Variants in CTBP2 observed in about 807,000 individuals in gnomAD.
CTBP2 encodes the protein C-terminal-binding protein 2.
CTBP2 carries 30 observed loss-of-function variants against 80.3 expected under a neutral mutation model. The observed-to-expected ratio is 0.37, with a 90% CI of 0.28 to 0.51. The LOEUF is 0.51. Ranked by LOEUF, CTBP2 falls within the 20% of genes least tolerant of loss-of-function variation. CTBP2 has a pLI of 0.93. For missense variants in CTBP2, 1,212 were observed against 1,375.3 expected (o/e 0.88, Z 1.88); for synonymous variants, 594 against 587.4 (o/e 1.01, Z -0.16).
At position 125,043,370 on chromosome 10, in the gene CTBP2, G is replaced by A. The variant is rs79661267; in HGVS notation, c.-101-4215C>T. 7.4e-3 allele frequency among the ~76,000 whole-genome samples: 1,129 copies of A among 152,260 alleles called. 19 individuals carry two copies. Among genetic ancestry groups the A allele is most frequent in the African/African-American group, 0.026 (1,067 of 41,532 alleles). ...GAGGTTCTCTACCAAGCGCCCTTAAGGTTACACAGCACAAAAACCTGGGAT... is the reference window on the plus strand; with the variant it reads ...GAGGTTCTCTACCAAGCGCCCTTAAAGTTACACAGCACAAAAACCTGGGAT... On this transcript the variant is annotated intron_variant, in intron 2 of 10. Coordinates refer to the CTBP2 transcript ENST00000337195.
intron 2 of CTBP2, among the ~76,000 whole-genome samples, chr10:125,057,404 C>G (rs1488814870): frequency 6.6e-6 from 1 of 152,166 alleles, no homozygotes. Flanking sequence ...TGACCAGCCC[C>G]CGCCTCCCTC....
rs577808615 is a variant in CTBP2 at position 125,119,307 on chromosome 10, A to AC, written c.-205-8215dup. Among the ~76,000 whole-genome samples, 47 of 152,102 alleles carry AC rather than the reference A, an allele frequency of 3.1e-4. No individual in the cohort carries two copies. The East Asian group carries it at 7.7e-3, about 25-fold the overall frequency. ...GCTCTGAGGAGTCAGCGAGGGTGTG[A>AC]CCCCCACTCCCACTGCGGTGGAAGG... is the stretch of plus-strand genomic sequence containing the variant. On this transcript the variant is annotated intron_variant, in intron 1 of 10. Transcript: ENST00000337195.
intron 3 of CTBP2, among the ~76,000 whole-genome samples, chr10:125,036,118 G>T (rs971389966): frequency 1.3e-5 from 2 of 152,228 alleles, no homozygotes; most frequent in African/African-American, 4.8e-5. Flanking sequence ...GACACAGCCT[G>T]GCGGAGTGAA....
chr10:125,026,704 T>C lies in CTBP2; in HGVS notation c.1056A>G (p.Glu352=). Residue 352 remains glutamate, a synonymous_variant, in exon 1 of 9, where the codon GAA becomes GAG. Coordinates refer to ENST00000309035, the MANE Select transcript of CTBP2 (RefSeq NM_022802.3). ...CCCGGTCCTGCCTCCGCAGCTGCATTTCGGTCCTGCAGCTATTGGCCAGGC... is the reference window on the plus strand; with the variant it reads ...CCCGGTCCTGCCTCCGCAGCTGCATCTCGGTCCTGCAGCTATTGGCCAGGC... 6.2e-7 allele frequency: 1 copy of C among 1,612,450 alleles called. No individual in the cohort carries two copies. The highest frequency in any genetic ancestry group is 8.5e-7 in the Non-Finnish European group (1 of 1,179,744).
At chr10:125,018,378 C>A (rs989180471) in intron 1 of CTBP2, among the ~76,000 whole-genome samples, 26 of 152,162 alleles carry the variant, frequency 1.7e-4, no homozygotes, top group African/African-American at 6.0e-4. Flanking sequence ...AAAAATTAAC[C>A]AGGTATGGTA....
chr10:125,084,147 T>A (rs775650728), intron 2 of CTBP2, among the ~76,000 whole-genome samples: 1 of 152,064 alleles, frequency 6.6e-6, no homozygotes, highest in Non-Finnish European at 1.5e-5. Context: ...TTTGTAGAGA[T>A]GTTATGTATG....
At chr10:125,032,141 T>C (rs1958306942), upstream of CTBP2, among the ~76,000 whole-genome samples, 1 of 152,068 alleles carries the variant, frequency 6.6e-6, no homozygotes, top group East Asian at 1.9e-4. Context: ...CCAGCTGGGA[T>C]GCAGGACAGG....
intron 1 of CTBP2, among the ~76,000 whole-genome samples, chr10:125,124,689 C>T (rs1217750967): frequency 6.6e-6 from 1 of 152,188 alleles, no homozygotes; most frequent in Non-Finnish European, 1.5e-5. Flanking sequence ...ATTCTACATA[C>T]ATTAAATATA....
chr10:125,068,857 TG>T (rs1372162108), intron 2 of CTBP2, among the ~76,000 whole-genome samples: 1 of 152,210 alleles, frequency 6.6e-6, no homozygotes, highest in Non-Finnish European at 1.5e-5. Context: ...TTTGCCCTGC[TG>T]GGGGAATCTG....
At chr10:125,046,593 T>C (rs1211801402) in intron 2 of CTBP2, among the ~76,000 whole-genome samples, 2 of 150,070 alleles carry the variant, frequency 1.3e-5, no homozygotes, top group African/African-American at 4.9e-5. Flanking sequence ...GGATCTGTGA[T>C]TCTGTTCTGT....
intron 1 of CTBP2, chr10:125,006,073 G>A (rs1955203860): frequency 7.9e-7 from 1 of 1,262,784 alleles, no homozygotes; most frequent in South Asian, 1.8e-5. Context: ...ACAAACTCCA[G>A]GTTGCCTAGC....
chr10:125,015,783 T>C (rs1175698876), intron 1 of CTBP2, among the ~76,000 whole-genome samples: 3 of 152,076 alleles, frequency 2.0e-5, no homozygotes, highest in Non-Finnish European at 2.9e-5. Flanking sequence ...TAAGGGAAAA[T>C]AGAGAAGAGA....
chr10:125,087,600 A>G (rs576300843), intron 2 of CTBP2, among the ~76,000 whole-genome samples: 5 of 152,286 alleles, frequency 3.3e-5, no homozygotes, highest in African/African-American at 1.2e-4. Context: ...CATGTCTCTC[A>G]TCCCCCCACT....
At chr10:125,103,595 G>A (rs905342450) in intron 2 of CTBP2, among the ~76,000 whole-genome samples, 2 of 152,140 alleles carry the variant, frequency 1.3e-5, no homozygotes, top group Admixed American at 1.3e-4. Context: ...TCACAGGAAA[G>A]CCAACCCCAG....
chr10:125,161,217 G>C (rs1861868129), upstream of CTBP2: 1 of 152,076 alleles, frequency 6.6e-6, no homozygotes, highest in Non-Finnish European at 1.5e-5. Context: ...AGCGCGGCGG[G>C]CGGGAGGGCC....
At chr10:124,989,979 G>C (rs1952372266) in intron 8 of CTBP2, among the ~76,000 whole-genome samples, 1 of 151,582 alleles carries the variant, frequency 6.6e-6, no homozygotes, top group Admixed American at 6.6e-5. Flanking sequence ...CTCAAGTGAT[G>C]CCCCATCATA....
intron 1 of CTBP2, chr10:125,158,729 C>T (rs148564872): frequency 8.5e-5 from 13 of 152,218 alleles, no homozygotes; most frequent in African/African-American, 2.2e-4. Context: ...ACGAAAAATT[C>T]CTCCTCTTCC....
intron 1 of CTBP2, among the ~76,000 whole-genome samples, chr10:125,121,741 A>G (rs576665639): frequency 6.6e-6 from 1 of 152,322 alleles, no homozygotes; most frequent in South Asian, 2.1e-4. Flanking sequence ...AGAAATGGGG[A>G]AAAAGGCCTG....
At chr10:125,048,671 A>G (rs1444453025) in intron 2 of CTBP2, among the ~76,000 whole-genome samples, 2 of 152,026 alleles carry the variant, frequency 1.3e-5, no homozygotes, top group African/African-American at 4.8e-5. Context: ...CTGACAAATG[A>G]TTTTTCCATT....
Sources: gnomAD v4.1 joint callset for allele counts (sites outside exome capture counted in the v4.1 genomes callset) on GRCh38, gnomAD v4.1.1 for gene constraint, MANE v1.5 for transcripts, NCBI Gene and HGNC (gene_info 2026-07-23, HGNC 2026-07-21) for gene names.